The following NCOA2 variants were observed in gnomAD, a reference collection of about 807,000 sequenced individuals.
NCOA2 encodes class E basic helix-loop-helix protein 75.
NCOA2 carries 21 observed loss-of-function variants against 145.1 expected under a neutral mutation model. The observed-to-expected ratio is 0.14, with a 90% CI of 0.10 to 0.21. NCOA2 has a LOEUF of 0.21. Ranked by LOEUF, NCOA2 falls within the 10% of genes least tolerant of loss-of-function variation. The pLI is 1.00. For synonymous variants in NCOA2, 619 were observed against 637.5 expected, an observed-to-expected ratio of 0.97 and a Z score of 0.44; for missense variants, 1,472 against 1,837.6, an observed-to-expected ratio of 0.80 and a Z score of 3.64.
chr8:70,159,252 T>A (rs1303189085), intron 10 of NCOA2, among the ~76,000 whole-genome samples: 6 of 20,458 alleles, frequency 2.9e-4, no homozygotes, highest in Non-Finnish European at 9.2e-4. Context: ...ATTTTTTTTT[T>A]TTTCCCCCAA....
At position 70,148,373 on chromosome 8, in the gene NCOA2, G is replaced by C; in HGVS notation, c.2505C>G (p.Asp835Glu). Residue 835 changes from aspartate to glutamate, a missense_variant, in exon 12 of 23, where the codon GAC becomes GAG. Asp to Glu is a conservative substitution (Grantham distance 45). Transcript: ENST00000452400. ...TGAGGTCATTGATGATGGCTTGCTT[G>C]TCAACTGATCCAGCAGGGGCGCCTG... ...TRPGAPAGSV[D>E]KQAIINDLMQ... 1 of 1,613,956 alleles carries C rather than the reference G, an allele frequency of 6.2e-7. No individual in the cohort carries two copies. Among genetic ancestry groups the C allele is most frequent in the Non-Finnish European group, 8.5e-7 (1 of 1,179,882 alleles).
At chr8:70,307,591 G>A (rs183059647) in intron 1 of NCOA2, among the ~76,000 whole-genome samples, 71 of 152,232 alleles carry the variant, frequency 4.7e-4, no homozygotes, top group African/African-American at 1.6e-3. Flanking sequence ...TTTAATTTCA[G>A]GACTTCCATT....
chr8:70,361,843 G>A (rs1181216364), intron 1 of NCOA2, among the ~76,000 whole-genome samples: 4 of 152,228 alleles, frequency 2.6e-5, no homozygotes, highest in Non-Finnish European at 5.9e-5. Context: ...TAACAGTGAA[G>A]TAGGAGTTAA....
At chr8:70,362,474 GGTT>G (rs1810295048) in intron 1 of NCOA2, among the ~76,000 whole-genome samples, 1 of 151,668 alleles carries the variant, frequency 6.6e-6, no homozygotes, top group Non-Finnish European at 1.5e-5. Context: ...ATTAAAAAAA[GGTT>G]TTTTTAACGT....
In NCOA2 at chr8:70,170,480, C is replaced by T. The variant is rs1041038096; in HGVS notation, c.364-101G>A. 2.3e-5 allele frequency: 24 copies of T among 1,050,582 alleles called. 1 individual carries two copies. The African/African-American group carries it at 4.0e-4, about 18-fold the overall frequency. The allele number at this position is 1,050,582 out of a possible 1,614,324, so 65.1% of individuals were successfully genotyped here. A position where few individuals can be genotyped will look rare whatever the true frequency, so the allele number is the denominator to read the frequency against. On this transcript the variant is annotated intron_variant, in intron 5 of 22. Coordinates refer to ENST00000452400, the MANE Select transcript of NCOA2 (RefSeq NM_006540.4). ...CCCTTTCAAGGAAACACAATTCACA[C>T]ACAGATAGAAAAGAGATCTTTCTCA...
intron 4 of NCOA2, among the ~76,000 whole-genome samples, chr8:70,204,303 C>G (rs535354476): frequency 6.6e-6 from 1 of 152,056 alleles, no homozygotes; most frequent in Non-Finnish European, 1.5e-5. Context: ...CCACCATGAC[C>G]GGCGAATAGG....
At chr8:70,439,403 T>C in the NCOA2 span, among the ~76,000 whole-genome samples, 2 of 152,074 alleles carry the variant, frequency 1.3e-5, no homozygotes, top group African/African-American at 4.8e-5. Flanking sequence ...AGGGAAGAGG[T>C]GACCCTTGAG....
rs1265152887 is a variant in NCOA2, at chr8:70,316,546, GT to G, written c.-76-19747del. Among the ~76,000 whole-genome samples, 6 of 152,294 alleles carry G rather than the reference GT, an allele frequency of 3.9e-5. No homozygotes were observed. The East Asian group carries it at 1.2e-3, about 29-fold the overall frequency. ...TAAACAAAAATTATGGGAGGCCGTTGTTTTGGACTGAGCTCCTACACTAGGT... is the reference window on the plus strand; with the variant it reads ...TAAACAAAAATTATGGGAGGCCGTTGTTTGGACTGAGCTCCTACACTAGGT... On this transcript the variant is annotated intron_variant, in intron 1 of 22. Coordinates refer to ENST00000452400, the MANE Select transcript of NCOA2 (RefSeq NM_006540.4).
chr8:70,159,242 A>ATTTTTTT (rs763150293), intron 10 of NCOA2, among the ~76,000 whole-genome samples: 1 of 61,076 alleles, frequency 1.6e-5, no homozygotes, highest in African/African-American at 5.4e-5. Flanking sequence ...ATATATATAT[A>ATTTTTTT]TTTTTTTTTT....
At chr8:70,245,492 T>C (rs1822534818) in intron 2 of NCOA2, 2 of 152,120 alleles carry the variant, frequency 1.3e-5, no homozygotes, top group Admixed American at 6.6e-5. Flanking sequence ...CCTCCTGCTA[T>C]TAAGGGAATG....
Position 70,296,895 on chromosome 8 carries a change from A to G in NCOA2, c.-76-95T>C, listed in dbSNP as rs1308467300. On this transcript the variant is annotated intron_variant, in intron 1 of 22. Transcript: ENST00000452400. ...GATTTTTATAACCGATTTTCAAAGT[A>G]ATACTTGTTAATTGCCATCAATACA... The G allele has an allele frequency of 2.0e-5, 3 of 152,366 alleles. No homozygotes were observed. The East Asian group carries it at 5.8e-4, about 29-fold the overall frequency. The allele number at this position is 152,366 out of a possible 1,614,324, so 9.4% of individuals were successfully genotyped here.
intron 15 of NCOA2, 23 bp from the exon 16 acceptor site, chr8:70,132,025 T>C (rs1396311367): frequency 6.2e-7 from 1 of 1,603,608 alleles, no homozygotes; most frequent in African/African-American, 1.3e-5. Flanking sequence ...AAATGTCACC[T>C]TGGGCCAATG....
intron 4 of NCOA2, among the ~76,000 whole-genome samples, chr8:70,183,515 ATTAGCGCAGTAAACC>A (rs1815712759): frequency 6.6e-6 from 1 of 152,240 alleles, no homozygotes; most frequent in South Asian, 2.1e-4. Flanking sequence ...AATTCTGTTT[ATTAGCGCAGTAAACC>A]TCATCTCCCA....
At chr8:70,127,941 C>G (rs1207973773) in intron 18 of NCOA2, among the ~76,000 whole-genome samples, 1 of 152,124 alleles carries the variant, frequency 6.6e-6, no homozygotes, top group East Asian at 1.9e-4. Flanking sequence ...TAAACTGGCT[C>G]CCAGGCATGG....
At chr8:70,160,659 C>CAGAGAGACAGAGAGAG (rs1554578914) in intron 9 of NCOA2, among the ~76,000 whole-genome samples, 1 of 132,180 alleles carries the variant, frequency 7.6e-6, no homozygotes, top group Admixed American at 7.7e-5. Context: ...AAGTGAGAGA[C>CAGAGAGACAGAGAGAG]AGAGAGAGAG....
chr8:70,409,177 G>C, the NCOA2 span, among the ~76,000 whole-genome samples: 1 of 152,082 alleles, frequency 6.6e-6, no homozygotes, highest in Non-Finnish European at 1.5e-5. Flanking sequence ...CAAAATCCCA[G>C]CAAGCTTTTT....
chr8:70,378,137 A>G (rs923079017), intron 1 of NCOA2, among the ~76,000 whole-genome samples: 2 of 152,174 alleles, frequency 1.3e-5, no homozygotes, highest in Admixed American at 6.5e-5. Context: ...CACAGCATAT[A>G]AACCACCTTG....
chr8:70,239,314 A>G (rs1821923731), intron 2 of NCOA2, among the ~76,000 whole-genome samples: 1 of 152,178 alleles, frequency 6.6e-6, no homozygotes, highest in African/African-American at 2.4e-5. Context: ...AACATATACA[A>G]CAACTTATCA....
At chr8:70,229,830 G>A (rs1354387145) in intron 2 of NCOA2, among the ~76,000 whole-genome samples, 6 of 152,210 alleles carry the variant, frequency 3.9e-5, no homozygotes. Flanking sequence ...CCATGATTCT[G>A]ATGCTTGCTG....
Sources: allele counts gnomAD v4.1 joint callset (sites outside exome capture counted in the v4.1 genomes callset), GRCh38; gene constraint gnomAD v4.1.1; transcripts MANE v1.5; gene names NCBI Gene and HGNC (gene_info 2026-07-23, HGNC 2026-07-21).